Variants in CAST observed in about 807,000 individuals in gnomAD.
CAST encodes the protein calpastatin, also known as MIR583 host.
Under a neutral mutation model 119.6 loss-of-function variants are expected in CAST, and 76 were observed. That is an observed-to-expected ratio of 0.64 (90% CI 0.53 to 0.77). The LOEUF (loss-of-function observed/expected upper bound fraction) is 0.77, where lower values mean the gene tolerates loss of function less well. CAST is among the 30% of genes least tolerant of loss of function. CAST has a pLI of 0.00. For missense variants in CAST, 953 were observed against 946.5 expected, an observed-to-expected ratio of 1.01 and a Z score of -0.09; for synonymous variants, 319 against 331.6, an observed-to-expected ratio of 0.96 and a Z score of 0.41.
At chr5:96,346,778 C>G in the CAST span, among the ~76,000 whole-genome samples, 1 of 152,076 alleles carries the variant, frequency 6.6e-6, no homozygotes, top group Non-Finnish European at 1.5e-5. Flanking sequence ...TGTTCTGTGA[C>G]CCCCATCTGT....
At chr5:96,568,439 C>G (rs1187752229) in intron 1 of CAST, among the ~76,000 whole-genome samples, 2 of 151,804 alleles carry the variant, frequency 1.3e-5, no homozygotes, top group East Asian at 3.9e-4. Flanking sequence ...GCAGGGGGTG[C>G]CTGTAATCCC....
intron 1 of CAST, among the ~76,000 whole-genome samples, chr5:96,588,203 T>G (rs1404203281): frequency 8.1e-6 from 1 of 123,432 alleles, no homozygotes; most frequent in Non-Finnish European, 1.7e-5. Context: ...TTTCTTTTTT[T>G]TTTTTTTTTT....
the CAST span, among the ~76,000 whole-genome samples, chr5:96,084,722 C>A: frequency 6.6e-6 from 1 of 152,190 alleles, no homozygotes; most frequent in African/African-American, 2.4e-5. Context: ...GGCCAGTTAG[C>A]CCTGTCCCTC....
At chr5:96,197,143 C>T in the CAST span, among the ~76,000 whole-genome samples, 1,007 of 152,252 alleles carry the variant, frequency 6.6e-3, 13 homozygotes, top group African/African-American at 0.022. Context: ...TCAGAACCAC[C>T]GGGTTAGGTG....
At chr5:96,740,400 T>G (rs1475711481) in intron 12 of CAST, among the ~76,000 whole-genome samples, 1 of 152,096 alleles carries the variant, frequency 6.6e-6, no homozygotes, top group African/African-American at 2.4e-5. Flanking sequence ...GAGGGAAAGG[T>G]ATCTTTGAGG....
chr5:96,186,908 A>G, the CAST span, among the ~76,000 whole-genome samples: 6 of 152,224 alleles, frequency 3.9e-5, no homozygotes, highest in African/African-American at 1.4e-4. Flanking sequence ...TATTTGGAAT[A>G]GTATCAGTAG....
At chr5:96,526,859 G>A (rs925056753), upstream of CAST, among the ~76,000 whole-genome samples, 3 of 152,184 alleles carry the variant, frequency 2.0e-5, no homozygotes, top group African/African-American at 7.2e-5. Context: ...TGTGGCCTGT[G>A]CTTTTTCCAA....
chr5:96,379,847 A>G, the CAST span, among the ~76,000 whole-genome samples: 1 of 152,110 alleles, frequency 6.6e-6, no homozygotes, highest in African/African-American at 2.4e-5. Flanking sequence ...ATTAAGGAAA[A>G]GCATTCGAAT....
At chr5:96,660,268 T>C (rs1270088244), upstream of CAST, among the ~76,000 whole-genome samples, 1 of 152,172 alleles carries the variant, frequency 6.6e-6, no homozygotes, top group Non-Finnish European at 1.5e-5. Flanking sequence ...TCCCTCCTAT[T>C]GTTGATACAA....
At chr5:96,458,373 T>A in the CAST span, among the ~76,000 whole-genome samples, 3 of 152,146 alleles carry the variant, frequency 2.0e-5, no homozygotes, top group African/African-American at 7.2e-5. Context: ...ATCTGGCTCT[T>A]TACAGAAGCT....
chr5:96,076,042 G>A, the CAST span, among the ~76,000 whole-genome samples: 1,976 of 152,272 alleles, frequency 0.013, 53 homozygotes, highest in African/African-American at 0.044. Context: ...CAGCTCTAGA[G>A]TGAATGTCCA....
the CAST span, among the ~76,000 whole-genome samples, chr5:96,328,214 A>G: frequency 6.6e-6 from 1 of 152,240 alleles, no homozygotes; most frequent in African/African-American, 2.4e-5. Context: ...GGCATCTGTC[A>G]GCTCCATCAG....
intron 1 of CAST, among the ~76,000 whole-genome samples, chr5:96,663,433 G>A (rs371483539): frequency 6.6e-6 from 1 of 152,252 alleles, no homozygotes; most frequent in Non-Finnish European, 1.5e-5. Flanking sequence ...ACTATGCTCT[G>A]CTGGCGCTCA....
the CAST span, among the ~76,000 whole-genome samples, chr5:96,481,028 C>A: frequency 4.6e-5 from 7 of 152,026 alleles, no homozygotes; most frequent in African/African-American, 1.7e-4. Flanking sequence ...GTTATTGAAG[C>A]TAATGGATAC....
chr5:96,744,645 G>A (rs1561565850), intron 16 of CAST, among the ~76,000 whole-genome samples: 1 of 152,126 alleles, frequency 6.6e-6, no homozygotes. Flanking sequence ...GGATCTTTCA[G>A]TCCTCTAGAT....
At chr5:96,677,411 G>A (rs1440221277) in intron 2 of CAST, among the ~76,000 whole-genome samples, 2 of 152,096 alleles carry the variant, frequency 1.3e-5, no homozygotes, top group Non-Finnish European at 2.9e-5. Flanking sequence ...AACAACTGAC[G>A]GTAGATAGTT....
chr5:96,257,542 T>G, the CAST span, among the ~76,000 whole-genome samples: 1 of 152,310 alleles, frequency 6.6e-6, no homozygotes, highest in South Asian at 2.1e-4. Context: ...CATCAGTTGT[T>G]TAAAAGGATT....
chr5:96,406,475 C>T, the CAST span, among the ~76,000 whole-genome samples: 1 of 152,208 alleles, frequency 6.6e-6, no homozygotes, highest in Admixed American at 6.5e-5. Flanking sequence ...CCTTACCAAA[C>T]ATCTTGCCAG....
the CAST span, chr5:96,432,036 T>C: frequency 7.3e-7 from 1 of 1,371,076 alleles, no homozygotes; most frequent in Non-Finnish European, 1.0e-6. Flanking sequence ...AGCCTTCACT[T>C]GGACAGGCAA....
Sources: gnomAD v4.1 joint callset for allele counts (sites outside exome capture counted in the v4.1 genomes callset) on GRCh38, gnomAD v4.1.1 for gene constraint, MANE v1.5 for transcripts, NCBI Gene and HGNC (gene_info 2026-07-23, HGNC 2026-07-21) for gene names.